Variants in DPP10 observed in about 807,000 individuals in gnomAD.
The protein encoded by DPP10 is inactive dipeptidyl peptidase 10.
Under a neutral mutation model 120.9 loss-of-function variants are expected in DPP10, and 33 were observed. That is an observed-to-expected ratio of 0.27 (90% CI 0.21 to 0.37). The LOEUF (loss-of-function observed/expected upper bound fraction) is 0.37, where lower values mean the gene tolerates loss of function less well. DPP10 is among the 10% of genes least tolerant of loss of function. DPP10 has a pLI of 1.00. For missense variants in DPP10, 816 were observed against 942.8 expected, an observed-to-expected ratio of 0.87 and a Z score of 1.76; for synonymous variants, 337 against 326.1, an observed-to-expected ratio of 1.03 and a Z score of -0.36.
chr2:114,587,090 G>A (rs1289841804), intron 1 of DPP10, among the ~76,000 whole-genome samples: 1 of 152,026 alleles, frequency 6.6e-6, no homozygotes, highest in South Asian at 2.1e-4. Context: ...GAGGTCAGGA[G>A]TTCGAGCCCA....
intron 4 of DPP10, among the ~76,000 whole-genome samples, chr2:115,516,863 A>C (rs2077532575): frequency 6.6e-6 from 1 of 152,170 alleles, no homozygotes; most frequent in Non-Finnish European, 1.5e-5. Flanking sequence ...TATTGTTGAT[A>C]AATTTAAAAG....
intron 7 of DPP10, among the ~76,000 whole-genome samples, chr2:115,721,888 A>G (rs1293009883): frequency 6.6e-6 from 1 of 152,222 alleles, no homozygotes; most frequent in Non-Finnish European, 1.5e-5. Flanking sequence ...TTAATGTGCC[A>G]TATACATGCA....
rs1235074808 is a variant in DPP10, at chr2:115,650,626, C to T, written c.442-39061C>T. Among the ~76,000 whole-genome samples, 7 of 151,994 alleles carry T rather than the reference C, an allele frequency of 4.6e-5. No individual in the cohort carries two copies. In the East Asian group the frequency reaches 1.4e-3, roughly 29 times the overall value. On this transcript the variant is annotated intron_variant, in intron 5 of 25. Transcript: ENST00000410059. ...CTGTTATTGTTTACAGATTATTTCT[C>T]TTCTTAGGATGACACACAGGTCCTT...
At chr2:115,803,638 ATCTC>A (rs1685544226) in intron 19 of DPP10, among the ~76,000 whole-genome samples, 1 of 152,070 alleles carries the variant, frequency 6.6e-6, no homozygotes, top group African/African-American at 2.4e-5. Flanking sequence ...TGGTGACAAA[ATCTC>A]TCAGCATTTG....
At chr2:114,889,447 G>T (rs1437496953) in intron 1 of DPP10, among the ~76,000 whole-genome samples, 2 of 149,956 alleles carry the variant, frequency 1.3e-5, no homozygotes, top group Admixed American at 6.7e-5. Context: ...TATATATATT[G>T]CTAATGGTAA....
At chr2:115,548,698 C>T (rs1456944618) in intron 5 of DPP10, among the ~76,000 whole-genome samples, 12 of 151,964 alleles carry the variant, frequency 7.9e-5, no homozygotes, top group East Asian at 7.7e-4. Flanking sequence ...ATAAAACAGC[C>T]GTTGATAAAC....
intron 13 of DPP10, among the ~76,000 whole-genome samples, chr2:115,774,717 T>C (rs934282273): frequency 1.3e-5 from 2 of 152,072 alleles, no homozygotes; most frequent in Non-Finnish European, 2.9e-5. Context: ...GAACATAAAA[T>C]AGACTACTTA....
intron 5 of DPP10, among the ~76,000 whole-genome samples, chr2:115,528,526 G>A (rs531492955): frequency 2.6e-5 from 4 of 151,210 alleles, no homozygotes; most frequent in South Asian, 2.1e-4. Context: ...CATTTATCCC[G>A]GATACATAAA....
chr2:114,942,402 C>G (rs3060051), intron 1 of DPP10, among the ~76,000 whole-genome samples: 1 of 127,812 alleles, frequency 7.8e-6, no homozygotes, highest in African/African-American at 3.1e-5. Flanking sequence ...CACACACACA[C>G]ATATATATAT....
intron 12 of DPP10, among the ~76,000 whole-genome samples, chr2:115,763,505 C>T (rs1008412135): frequency 6.6e-6 from 1 of 152,074 alleles, no homozygotes; most frequent in Non-Finnish European, 1.5e-5. Flanking sequence ...AAACTATTTA[C>T]CTAATAGTCA....
chr2:114,978,764 A>G (rs542127629), intron 1 of DPP10, among the ~76,000 whole-genome samples: 1 of 152,270 alleles, frequency 6.6e-6, no homozygotes, highest in South Asian at 2.1e-4. Flanking sequence ...TATCCAAATG[A>G]TTTCTTCATG....
intron 1 of DPP10, among the ~76,000 whole-genome samples, chr2:114,521,779 A>G (rs1220202865): frequency 6.6e-6 from 1 of 150,838 alleles, no homozygotes; most frequent in Non-Finnish European, 1.5e-5. Context: ...GAAAAATTGT[A>G]TAATTATAGA....
At chr2:115,103,853 A>G (rs1285019600) in intron 1 of DPP10, among the ~76,000 whole-genome samples, 2 of 152,198 alleles carry the variant, frequency 1.3e-5, no homozygotes, top group African/African-American at 4.8e-5. Flanking sequence ...GTACTGGTTG[A>G]TAATTACTTA....
intron 3 of DPP10, among the ~76,000 whole-genome samples, chr2:115,437,048 A>T (rs986195129): frequency 1.1e-4 from 16 of 151,948 alleles, no homozygotes; most frequent in Non-Finnish European, 2.9e-5. Flanking sequence ...TGTGACGTTA[A>T]ATCAGTGTCA....
At chr2:115,520,357 A>T (rs938434841) in intron 4 of DPP10, among the ~76,000 whole-genome samples, 1 of 152,044 alleles carries the variant, frequency 6.6e-6, no homozygotes, top group African/African-American at 2.4e-5. Flanking sequence ...ATGTGTGTGA[A>T]TATTTAGGGA....
rs116422390 is a variant in DPP10 at position 114,903,434 on chromosome 2, C to T, written c.61-405805C>T. On this transcript the variant is annotated intron_variant, in intron 1 of 25. Transcript: ENST00000410059. ...AAGAGAGCTCGTGTTGCTCTAAATC[C>T]TTGTCAGCATTTGATGTTGTCAGTG... 7.5e-3 allele frequency among the ~76,000 whole-genome samples: 1,142 copies of T among 152,256 alleles called. 15 individuals carry two copies. Among genetic ancestry groups the T allele is most frequent in the African/African-American group, 0.025 (1,056 of 41,554 alleles).
intron 5 of DPP10, among the ~76,000 whole-genome samples, chr2:115,667,364 G>T (rs923501778): frequency 6.6e-6 from 1 of 151,936 alleles, no homozygotes; most frequent in Non-Finnish European, 1.5e-5. Context: ...AATCTCACTT[G>T]TCAATTTTCA....
chr2:114,645,622 C>T (rs1216013973), intron 1 of DPP10, among the ~76,000 whole-genome samples: 1 of 152,132 alleles, frequency 6.6e-6, no homozygotes, highest in African/African-American at 2.4e-5. Context: ...AGTGTAGTAT[C>T]CTCACCTGTC....
intron 1 of DPP10, among the ~76,000 whole-genome samples, chr2:115,218,908 C>T (rs1251258718): frequency 6.6e-6 from 1 of 152,034 alleles, no homozygotes; most frequent in Non-Finnish European, 1.5e-5. Flanking sequence ...GGACCAATAT[C>T]ATATGTTCCC....
Sources: gnomAD v4.1 joint callset for allele counts (sites outside exome capture counted in the v4.1 genomes callset) on GRCh38, gnomAD v4.1.1 for gene constraint, MANE v1.5 for transcripts, NCBI Gene and HGNC (gene_info 2026-07-23, HGNC 2026-07-21) for gene names.